Variants in KCNK1 observed in about 807,000 individuals in gnomAD.
KCNK1 encodes potassium channel subfamily K member 1.
In KCNK1, 10 loss-of-function variants were observed where a neutral mutation model predicts 22.2. The ratio of observed to expected loss-of-function variants is 0.45; its 90% CI spans 0.28 to 0.76. KCNK1 has a LOEUF of 0.76. Ranked by LOEUF, KCNK1 falls within the 30% of genes least tolerant of loss-of-function variation. The pLI is 0.14. For synonymous variants in KCNK1, 200 were observed against 186.4 expected, an observed-to-expected ratio of 1.07 and a Z score of -0.60; for missense variants, 378 against 421.0, an observed-to-expected ratio of 0.90 and a Z score of 0.89.
At chr1:233,658,025 G>T (rs147057430) in intron 1 of KCNK1, among the ~76,000 whole-genome samples, 234 of 152,312 alleles carry the variant, frequency 1.5e-3, no homozygotes, top group African/African-American at 5.2e-3. Flanking sequence ...CTTCATTTGT[G>T]AGAGTATGCA....
intron 1 of KCNK1, among the ~76,000 whole-genome samples, chr1:233,619,193 TC>T (rs1444713108): frequency 5.9e-5 from 9 of 151,440 alleles, no homozygotes; most frequent in Admixed American, 5.3e-4. Flanking sequence ...AATTTTTTTT[TC>T]ATTTTTCTTT....
At chr1:233,632,046 T>C (rs1345415845) in intron 1 of KCNK1, among the ~76,000 whole-genome samples, 1 of 152,132 alleles carries the variant, frequency 6.6e-6, no homozygotes, top group African/African-American at 2.4e-5. Flanking sequence ...CCCATCCTGT[T>C]CCCTCTTCCA....
At chr1:233,628,330 A>G (rs1447281457) in intron 1 of KCNK1, among the ~76,000 whole-genome samples, 1 of 152,208 alleles carries the variant, frequency 6.6e-6, no homozygotes, top group Admixed American at 6.5e-5. Context: ...AGGGTCCAGA[A>G]ACTACCCATT....
intron 1 of KCNK1, among the ~76,000 whole-genome samples, chr1:233,651,117 T>G (rs1658195306): frequency 6.6e-6 from 1 of 152,242 alleles, no homozygotes; most frequent in Non-Finnish European, 1.5e-5. Flanking sequence ...CAGCATCAAG[T>G]AAACGGTGCG....
chr1:233,641,061 A>C (rs775656473), intron 1 of KCNK1, among the ~76,000 whole-genome samples: 1 of 152,168 alleles, frequency 6.6e-6, no homozygotes, highest in Non-Finnish European at 1.5e-5. Context: ...CTAAATTGGC[A>C]TCTCTCTTAA....
intron 1 of KCNK1, among the ~76,000 whole-genome samples, chr1:233,658,347 A>G (rs1161262099): frequency 6.6e-6 from 1 of 152,248 alleles, no homozygotes; most frequent in Non-Finnish European, 1.5e-5. Context: ...AAAAGAAAGC[A>G]TGTATAATAG....
chr1:233,637,086 C>T (rs771040260), intron 1 of KCNK1, among the ~76,000 whole-genome samples: 1 of 150,448 alleles, frequency 6.6e-6, no homozygotes, highest in South Asian at 2.1e-4. Context: ...GTCCCAGCTA[C>T]TTGGGAGGCT....
intron 1 of KCNK1, among the ~76,000 whole-genome samples, chr1:233,662,454 G>T (rs1281561758): frequency 1.3e-5 from 2 of 152,224 alleles, no homozygotes; most frequent in Admixed American, 6.5e-5. Flanking sequence ...TCTGGTGTAT[G>T]TGAAGAAGTT....
intron 1 of KCNK1, among the ~76,000 whole-genome samples, chr1:233,656,985 C>T (rs2102905044): frequency 6.6e-6 from 1 of 152,316 alleles, no homozygotes; most frequent in African/African-American, 2.4e-5. Context: ...TGTAAATATA[C>T]TCTGTCAGAG....
intron 1 of KCNK1, among the ~76,000 whole-genome samples, chr1:233,622,503 T>A (rs894245715): frequency 6.6e-6 from 1 of 152,220 alleles, no homozygotes; most frequent in Non-Finnish European, 1.5e-5. Flanking sequence ...GATACTTCTA[T>A]CTCCTAGACT....
intron 1 of KCNK1, among the ~76,000 whole-genome samples, chr1:233,641,881 T>G (rs1014925669): frequency 6.6e-6 from 1 of 152,142 alleles, no homozygotes; most frequent in African/African-American, 2.4e-5. Context: ...GGATTTTGAG[T>G]GTCTGCAGGG....
chr1:233,626,046 A>G (rs557596963), intron 1 of KCNK1, among the ~76,000 whole-genome samples: 36 of 151,784 alleles, frequency 2.4e-4, no homozygotes, highest in Non-Finnish European at 4.3e-4. Context: ...CAACGCGTTC[A>G]CTCTGGCTGG....
At chr1:233,631,216 A>C in intron 1 of KCNK1, 1 of 518,754 alleles carries the variant, frequency 1.9e-6, no homozygotes, top group Non-Finnish European at 4.0e-6. Context: ...AATAGGCGTG[A>C]TGGTGACCGA....
At chr1:233,653,827 C>A (rs1658243196) in intron 1 of KCNK1, among the ~76,000 whole-genome samples, 1 of 152,006 alleles carries the variant, frequency 6.6e-6, no homozygotes, top group African/African-American at 2.4e-5. Context: ...TCTTATATAT[C>A]TATATATATC....
Position 233,671,625 on chromosome 1 carries a change from A to C in KCNK1, c.*95A>C, listed in dbSNP as rs1318873585. ...TTTTTATCAGAATGCAAAAGCGAAA[A>C]TTATGTCACTTTAAGAAATAGCTAC... On this transcript the variant is annotated 3_prime_UTR_variant, in exon 3 of 3. Coordinates refer to ENST00000366621, the MANE Select transcript of KCNK1 (RefSeq NM_002245.4). 1.4e-6 allele frequency: 2 copies of C among 1,398,720 alleles called. No homozygotes were observed. Among genetic ancestry groups the C allele is most frequent in the Non-Finnish European group, 9.8e-7 (1 of 1,018,060 alleles). 86.6% of individuals were successfully genotyped at this position (1,398,720 alleles called of 1,614,324 possible).
At chr1:233,667,692 T>C (rs924425213) in intron 2 of KCNK1, among the ~76,000 whole-genome samples, 10 of 122,082 alleles carry the variant, frequency 8.2e-5, no homozygotes, top group South Asian at 2.6e-4. Context: ...ATCGCGCCAC[T>C]GCACTCCAGC....
At chr1:233,670,919 C>T (rs1198401116) in intron 2 of KCNK1, among the ~76,000 whole-genome samples, 1 of 152,166 alleles carries the variant, frequency 6.6e-6, no homozygotes, top group Non-Finnish European at 1.5e-5. Flanking sequence ...GCAGAGGTGG[C>T]AAACCCTCCT....
chr1:233,642,097 G>A (rs1658009467), intron 1 of KCNK1, among the ~76,000 whole-genome samples: 1 of 152,016 alleles, frequency 6.6e-6, no homozygotes, highest in South Asian at 2.1e-4. Context: ...CAGAGGGAGG[G>A]CAGAGAGCTC....
At chr1:233,628,997 A>G (rs918435457) in intron 1 of KCNK1, among the ~76,000 whole-genome samples, 2 of 152,204 alleles carry the variant, frequency 1.3e-5, no homozygotes, top group South Asian at 2.1e-4. Flanking sequence ...TGCTTCAGCT[A>G]TACAATGAAA....
Sources: gnomAD v4.1 joint callset for allele counts (sites outside exome capture counted in the v4.1 genomes callset) on GRCh38, gnomAD v4.1.1 for gene constraint, MANE v1.5 for transcripts, NCBI Gene and HGNC (gene_info 2026-07-23, HGNC 2026-07-21) for gene names.